The following CDK15 variants were observed in gnomAD, a reference collection of about 807,000 sequenced individuals.
CDK15 encodes the protein cyclin dependent kinase 15, also known as cyclin-dependent kinase 15.
In CDK15, 62 loss-of-function variants were observed where a neutral mutation model predicts 60.3. The observed-to-expected ratio is 1.03, with a 90% CI of 0.84 to 1.27. The LOEUF (loss-of-function observed/expected upper bound fraction) is 1.27. Among genes scored for constraint, CDK15 ranks in the 50% most tolerant of loss-of-function variants. The pLI is 0.00. For missense variants in CDK15, 541 were observed against 527.8 expected (o/e 1.03, Z -0.25); for synonymous variants, 194 against 195.7 (o/e 0.99, Z 0.07).
chr2:201,886,687 A>G lies in CDK15; in HGVS notation c.1199-4098A>G, dbSNP rs148986806. Among the ~76,000 whole-genome samples, 430 of 152,328 alleles carry G rather than the reference A, an allele frequency of 2.8e-3. 7 individuals carry two copies. The highest frequency in any genetic ancestry group is 9.7e-3 in the African/African-American group (405 of 41,576). ...CACCTGTGACTCATTCAGTTTTATA[A>G]GAAAACATCAAGGAATCCAGTGGAA... On this transcript the variant is annotated intron_variant, in intron 12 of 13. Transcript: ENST00000652192.
chr2:201,882,351 CA>C lies in CDK15; in HGVS notation c.1198+2185del, dbSNP rs1400909611. ...GGCTGCCTGCACTAGCGGGGGAAAC[CA>C]GGAGTGCTCACAGCAGGAGGGAAGT... On this transcript the variant is annotated intron_variant, in intron 12 of 13. Coordinates refer to ENST00000652192, the MANE Select transcript of CDK15 (RefSeq NM_001366386.2). This position sits in a 1 kb window ranked among gnomAD's most constrained non-coding sequence, Gnocchi z 4.0. 1.3e-5 allele frequency among the ~76,000 whole-genome samples: 2 copies of C among 152,142 alleles called. No individual in the cohort carries two copies. Among genetic ancestry groups the C allele is most frequent in the Non-Finnish European group, 2.9e-5 (2 of 68,022 alleles).
At chr2:201,836,034 A>T (rs1407712926) in intron 8 of CDK15, among the ~76,000 whole-genome samples, 3 of 118,720 alleles carry the variant, frequency 2.5e-5, no homozygotes, top group African/African-American at 3.3e-5. Flanking sequence ...ATTTATATAT[A>T]TTTTATATAT....
At chr2:201,876,292 G>T (rs1282288179) in intron 11 of CDK15, among the ~76,000 whole-genome samples, 1 of 152,226 alleles carries the variant, frequency 6.6e-6, no homozygotes. Flanking sequence ...AAACACGGAA[G>T]ATGTCAGTAA....
At chr2:201,816,211 C>T (rs1251846099) in intron 4 of CDK15, among the ~76,000 whole-genome samples, 2 of 152,038 alleles carry the variant, frequency 1.3e-5, no homozygotes, top group Non-Finnish European at 2.9e-5. Context: ...TATCTTGTCA[C>T]CCAAATAGTG....
chr2:201,826,628 G>C (rs1280576306), intron 6 of CDK15, among the ~76,000 whole-genome samples: 10 of 152,108 alleles, frequency 6.6e-5, no homozygotes, highest in Non-Finnish European at 1.2e-4. Context: ...GTTTGTTAGG[G>C]TTAGAGGAAA....
intron 4 of CDK15, among the ~76,000 whole-genome samples, chr2:201,816,161 G>A (rs528539592): frequency 6.6e-6 from 1 of 152,208 alleles, no homozygotes; most frequent in African/African-American, 2.4e-5. Context: ...AGGGGTACAT[G>A]TCCAGGTTTG....
At chr2:201,840,055 G>GTA (rs1464127027) in intron 8 of CDK15, among the ~76,000 whole-genome samples, 4 of 151,706 alleles carry the variant, frequency 2.6e-5, no homozygotes, top group South Asian at 4.2e-4. Context: ...CTCAACCTCG[G>GTA]CTCACTGCAA....
chr2:201,889,793 T>G (rs1699578852), intron 12 of CDK15, among the ~76,000 whole-genome samples: 1 of 152,144 alleles, frequency 6.6e-6, no homozygotes, highest in African/African-American at 2.4e-5. Context: ...CTCATGCCTA[T>G]GATCCCAGCA....
In CDK15 at chr2:201,806,574, C is replaced by A; in HGVS notation, c.-91C>A. The A allele has an allele frequency of 7.1e-7, 1 of 1,417,296 alleles. No homozygotes were observed. The highest frequency in any genetic ancestry group is 1.5e-5 in the South Asian group (1 of 67,580). The allele number at this position is 1,417,296 out of a possible 1,614,324, so 87.8% of individuals were successfully genotyped here. ...TGAGTCATATGAAAGCTCCACGCTG[C>A]TGACCTCTGGCAAAAAGGGAGAGAA... On this transcript the variant is annotated 5_prime_UTR_variant, in exon 1 of 14. The change creates a new upstream start codon in the 5' untranslated region. Coordinates refer to ENST00000652192, the MANE Select transcript of CDK15 (RefSeq NM_001366386.2).
chr2:201,872,671 G>C (rs147227450), intron 11 of CDK15, among the ~76,000 whole-genome samples: 103 of 151,610 alleles, frequency 6.8e-4, no homozygotes, highest in Non-Finnish European at 1.3e-3. Context: ...GCTATTGGAG[G>C]GGGGGCAACT....
chr2:201,816,028 T>G (rs1220335497), intron 4 of CDK15, among the ~76,000 whole-genome samples: 1 of 152,222 alleles, frequency 6.6e-6, no homozygotes, highest in Non-Finnish European at 1.5e-5. Flanking sequence ...AATGCTTAAC[T>G]AAAGTATTTA....
chr2:201,860,524 C>A (rs966262169), intron 10 of CDK15, among the ~76,000 whole-genome samples: 1 of 152,144 alleles, frequency 6.6e-6, no homozygotes, highest in African/African-American at 2.4e-5. Context: ...AGCTCAGCCG[C>A]AGGGAAGCAT....
chr2:201,828,933 A>G (rs1696627727), intron 6 of CDK15, among the ~76,000 whole-genome samples: 1 of 152,160 alleles, frequency 6.6e-6, no homozygotes, highest in Non-Finnish European at 1.5e-5. Context: ...CCCTATCCTA[A>G]GCTACCCAAT....
chr2:201,827,387 G>A (rs1005302380), intron 6 of CDK15, among the ~76,000 whole-genome samples: 3 of 152,158 alleles, frequency 2.0e-5, no homozygotes, highest in Admixed American at 1.3e-4. Context: ...TGAGGCTAAG[G>A]TGAGCCATGA....
intron 6 of CDK15, among the ~76,000 whole-genome samples, chr2:201,830,133 G>A (rs561993072): frequency 6.6e-6 from 1 of 152,084 alleles, no homozygotes; most frequent in Non-Finnish European, 1.5e-5. Flanking sequence ...TAGAGATGGG[G>A]TCTTGCTATG....
chr2:201,847,085 T>C (rs911500266), intron 8 of CDK15, among the ~76,000 whole-genome samples: 1 of 152,210 alleles, frequency 6.6e-6, no homozygotes, highest in Non-Finnish European at 1.5e-5. Context: ...AATTTGGGGA[T>C]ACAGTACTTT....
At chr2:201,809,917 CTTAT>C (rs1214105590) in intron 3 of CDK15, among the ~76,000 whole-genome samples, 1 of 151,972 alleles carries the variant, frequency 6.6e-6, no homozygotes, top group Non-Finnish European at 1.5e-5. Context: ...CAAGTGTTAC[CTTAT>C]TTATAAAACT....
intron 9 of CDK15, among the ~76,000 whole-genome samples, chr2:201,850,877 A>C (rs2105781102): frequency 6.6e-6 from 1 of 152,292 alleles, no homozygotes; most frequent in Admixed American, 6.5e-5. Context: ...GACTAATGAT[A>C]TTGAGCATTT....
chr2:201,844,238 A>G (rs1433386412), intron 8 of CDK15, among the ~76,000 whole-genome samples: 2 of 152,158 alleles, frequency 1.3e-5, no homozygotes, highest in African/African-American at 2.4e-5. Flanking sequence ...ATACACAGAC[A>G]CGTATTTATT....
Sources: allele counts gnomAD v4.1 joint callset (sites outside exome capture counted in the v4.1 genomes callset), GRCh38; gene constraint gnomAD v4.1.1; non-coding constraint Gnocchi (gnomAD v3.1); transcripts MANE v1.5; gene names NCBI Gene and HGNC (gene_info 2026-07-23, HGNC 2026-07-21).